KHDRBS3: variants seen among roughly 807,000 people sequenced by gnomAD.
The protein encoded by KHDRBS3 is KH RNA binding domain containing, signal transduction associated 3.
Under a neutral mutation model 45.6 loss-of-function variants are expected in KHDRBS3, and 23 were observed. That is an observed-to-expected ratio of 0.50 (90% CI 0.36 to 0.72). The LOEUF is 0.72. KHDRBS3 is among the 30% of genes least tolerant of loss of function. KHDRBS3 has a pLI of 0.00. For missense variants in KHDRBS3, 352 were observed against 424.8 expected, an observed-to-expected ratio of 0.83 and a Z score of 1.51; for synonymous variants, 162 against 156.5, an observed-to-expected ratio of 1.04 and a Z score of -0.26.
At chr8:135,638,274 A>G (rs1253804914) in intron 7 of KHDRBS3, among the ~76,000 whole-genome samples, 1 of 152,198 alleles carries the variant, frequency 6.6e-6, no homozygotes. Flanking sequence ...GTAAAGCTGT[A>G]ACAATGCGAG....
intron 7 of KHDRBS3, among the ~76,000 whole-genome samples, chr8:135,629,332 TCATTTAATTATTA>T (rs1181832862): frequency 6.6e-6 from 1 of 152,234 alleles, no homozygotes; most frequent in Non-Finnish European, 1.5e-5. Flanking sequence ...GTAGGTGAAC[TCATTTAATTATTA>T]CTCATTCATT....
At chr8:135,548,625 T>C in intron 3 of KHDRBS3, 129 bp from the exon 4 acceptor site, 1 of 675,948 alleles carries the variant, frequency 1.5e-6, no homozygotes, top group Non-Finnish European at 2.3e-6. Context: ...GAGTAGTGTC[T>C]ACTGTGACAA....
chr8:135,626,503 A>T (rs1253569351), intron 7 of KHDRBS3, among the ~76,000 whole-genome samples: 1 of 152,298 alleles, frequency 6.6e-6, no homozygotes, highest in East Asian at 1.9e-4. Flanking sequence ...GTGTTGGAGG[A>T]GTAAAGAGGC....
At chr8:135,645,185 T>C (rs1371695865) in intron 8 of KHDRBS3, 68 bp downstream of exon 8, 3 of 1,504,530 alleles carry the variant, frequency 2.0e-6, no homozygotes, top group African/African-American at 2.7e-5. Flanking sequence ...TTAAAGATAT[T>C]AATGGGAAGA....
intron 4 of KHDRBS3, among the ~76,000 whole-genome samples, chr8:135,653,360 A>G (rs187189951): frequency 9.2e-5 from 14 of 152,324 alleles, no homozygotes; most frequent in African/African-American, 3.1e-4. Flanking sequence ...TGAGTGAACA[A>G]ATGAACCTGT....
At chr8:135,526,742 G>A (rs1334239492) in intron 2 of KHDRBS3, among the ~76,000 whole-genome samples, 4 of 152,076 alleles carry the variant, frequency 2.6e-5, no homozygotes, top group Non-Finnish European at 4.4e-5. Flanking sequence ...TTTCTCTTCT[G>A]TTAATGAACC....
At chr8:135,648,288 C>T (rs527521045), downstream of KHDRBS3, among the ~76,000 whole-genome samples, 5 of 152,122 alleles carry the variant, frequency 3.3e-5, no homozygotes, top group South Asian at 1.0e-3. Flanking sequence ...ATCTAAAAAG[C>T]CTTAGTTTAG....
intron 3 of KHDRBS3, among the ~76,000 whole-genome samples, chr8:135,545,929 G>A (rs1826279658): frequency 6.6e-6 from 1 of 152,142 alleles, no homozygotes; most frequent in Admixed American, 6.5e-5. Flanking sequence ...CCTGAGGTCA[G>A]GAGTTCGAGA....
intron 1 of KHDRBS3, among the ~76,000 whole-genome samples, chr8:135,513,838 G>T (rs1026586023): frequency 6.6e-6 from 1 of 152,022 alleles, no homozygotes; most frequent in Non-Finnish European, 1.5e-5. Flanking sequence ...TGACTAAAGA[G>T]CTATAGTCAT....
At chr8:135,618,727 A>G (rs1830018260) in intron 7 of KHDRBS3, among the ~76,000 whole-genome samples, 1 of 152,190 alleles carries the variant, frequency 6.6e-6, no homozygotes, top group South Asian at 2.1e-4. Context: ...AAAATATTAT[A>G]TGATTAGGAG....
intron 5 of KHDRBS3, among the ~76,000 whole-genome samples, chr8:135,560,701 C>T (rs1306151228): frequency 6.6e-6 from 1 of 152,204 alleles, no homozygotes; most frequent in East Asian, 1.9e-4. Flanking sequence ...CTCGTGATTA[C>T]AGCATATGCA....
At chr8:135,583,739 G>T (rs868547565) in intron 6 of KHDRBS3, among the ~76,000 whole-genome samples, 1 of 152,090 alleles carries the variant, frequency 6.6e-6, no homozygotes, top group Non-Finnish European at 1.5e-5. Flanking sequence ...ATAAAGATTG[G>T]ATTTCTACCG....
At chr8:135,488,390 G>T (rs1822974204) in intron 1 of KHDRBS3, among the ~76,000 whole-genome samples, 2 of 152,170 alleles carry the variant, frequency 1.3e-5, no homozygotes, top group South Asian at 4.1e-4. Context: ...TCATTTACTG[G>T]GATGTTAAAA....
chr8:135,510,326 A>G (rs1161163816), intron 1 of KHDRBS3, among the ~76,000 whole-genome samples: 1 of 152,214 alleles, frequency 6.6e-6, no homozygotes, highest in East Asian at 1.9e-4. Flanking sequence ...TCAGAGCTCA[A>G]GTGGTTCAGC....
At chr8:135,543,974 T>A (rs1179691624) in intron 3 of KHDRBS3, among the ~76,000 whole-genome samples, 1 of 152,344 alleles carries the variant, frequency 6.6e-6, no homozygotes, top group Non-Finnish European at 1.5e-5. Flanking sequence ...CTGGTTTTTT[T>A]AATTACTCAC....
chr8:135,538,917 C>CT (rs1047762363), intron 2 of KHDRBS3: 1 of 151,992 alleles, frequency 6.6e-6, no homozygotes, highest in Non-Finnish European at 1.5e-5. Flanking sequence ...AGGATTTTTT[C>CT]TTTAAAAAAA....
chr8:135,506,473 G>A (rs1824001624), intron 1 of KHDRBS3, among the ~76,000 whole-genome samples: 1 of 149,684 alleles, frequency 6.7e-6, no homozygotes, highest in Non-Finnish European at 1.5e-5. Flanking sequence ...GCGCTGTCTC[G>A]GCTCACTGCA....
chr8:135,516,595 T>TGTGTGTGTGTGA (rs1460495654), intron 1 of KHDRBS3, among the ~76,000 whole-genome samples: 1 of 151,990 alleles, frequency 6.6e-6, no homozygotes, highest in African/African-American at 2.4e-5. Flanking sequence ...TGTGTGTGTG[T>TGTGTGTGTGTGA]GTGAGTAAAC....
At chr8:135,460,016 A>ATGTTTCTCCGAATATC (rs1225855859) in intron 1 of KHDRBS3, among the ~76,000 whole-genome samples, 1 of 152,240 alleles carries the variant, frequency 6.6e-6, no homozygotes, top group Admixed American at 6.5e-5. Flanking sequence ...TTTCTCTTAA[A>ATGTTTCTCCGAATATC]TCACAGGCTG....
Sources: allele counts gnomAD v4.1 joint callset (sites outside exome capture counted in the v4.1 genomes callset), GRCh38; gene constraint gnomAD v4.1.1; transcripts MANE v1.5; gene names NCBI Gene and HGNC (gene_info 2026-07-23, HGNC 2026-07-21).